PADI1: variants seen among roughly 807,000 people sequenced by gnomAD.
PADI1 encodes peptidyl arginine deiminase 1, also known as protein-arginine deiminase type-1.
Under a neutral mutation model 74.8 loss-of-function variants are expected in PADI1, and 65 were observed. The observed-to-expected ratio is 0.87, with a 90% CI of 0.71 to 1.07. PADI1 has a LOEUF of 1.07. PADI1 is among the 50% of genes least tolerant of loss of function. The probability of loss-of-function intolerance (pLI) is 0.00; values close to 1 mark genes in which losing one functional copy is unlikely to be tolerated. For missense variants in PADI1, 943 were observed against 854.0 expected, an observed-to-expected ratio of 1.10 and a Z score of -1.30; for synonymous variants, 371 against 336.2, an observed-to-expected ratio of 1.10 and a Z score of -1.13.
intron 4 of PADI1, among the ~76,000 whole-genome samples, chr1:17,225,308 C>G (rs2072276534): frequency 6.6e-6 from 1 of 152,204 alleles, no homozygotes; most frequent in East Asian, 1.9e-4. Flanking sequence ...GCAGGGAGAG[C>G]TCCAGCCATG....
Position 17,244,149 on chromosome 1 carries a change from A to C in PADI1, c.1898A>C (p.Tyr633Ser). Residue 633 changes from tyrosine to serine, a missense_variant, in exon 16 of 16, where the codon TAC becomes TCC. By Grantham distance (144) the Tyr-to-Ser change is moderately radical (BLOSUM62 -2). Transcript: ENST00000375471. ...LGLHCIFIDD[Y>S]LSYHELQGEI... ...CTGCACTGCATCTTCATTGATGACT[A>C]CTTGTCCTACCACGAGCTGCAGGGG... The C allele has an allele frequency of 2.5e-6, 4 of 1,614,142 alleles. No homozygotes were observed. Among genetic ancestry groups the C allele is most frequent in the Non-Finnish European group, 3.4e-6 (4 of 1,180,016 alleles).
At chr1:17,243,458 T>C (rs1569859065) in intron 15 of PADI1, among the ~76,000 whole-genome samples, 1 of 152,254 alleles carries the variant, frequency 6.6e-6, no homozygotes, top group Non-Finnish European at 1.5e-5. Flanking sequence ...TTAACCTGTC[T>C]GAGCCACAGC....
intron 1 of PADI1, among the ~76,000 whole-genome samples, chr1:17,206,666 GTCTTTTTTTTCTTTT>G (rs2071689493): frequency 1.4e-5 from 2 of 141,526 alleles, no homozygotes; most frequent in Admixed American, 6.9e-5. Flanking sequence ...TGAAGCTGAA[GTCTTTTTTTTCTTTT>G]TCTTTTTTTT....
At chr1:17,224,494 G>A in intron 4 of PADI1, 66 bp downstream of exon 4, 3 of 1,193,708 alleles carry the variant, frequency 2.5e-6, no homozygotes, top group Non-Finnish European at 3.7e-6. Context: ...GTCCCGGGTG[G>A]ATTGTGCCCT....
At chr1:17,228,587 CT>C (rs2072389643) in intron 6 of PADI1, 37 bp from the exon 7 acceptor site, 2 of 1,610,094 alleles carry the variant, frequency 1.2e-6, no homozygotes, top group African/African-American at 2.7e-5. Flanking sequence ...CCCCTCACCC[CT>C]GTCTCCTCGC....
rs1200235693 is a variant in PADI1, at chr1:17,224,485, TC to T, written c.408+60del. The T allele has an allele frequency of 2.2e-4, 295 of 1,335,654 alleles. 7 individuals are homozygous for T. In the South Asian group the frequency reaches 3.4e-3, roughly 15 times the overall value. The allele number at this position is 1,335,654 out of a possible 1,614,324, so 82.7% of individuals were successfully genotyped here. Reference sequence around the variant, plus strand: ...GGGTTGAAAGGCAAACTTGGGGTGGTCCCGGGTGGATTGTGCCCTCCCTCCA... The same window carrying T: ...GGGTTGAAAGGCAAACTTGGGGTGGTCCGGGTGGATTGTGCCCTCCCTCCA... On this transcript the variant is annotated intron_variant, in intron 4 of 15. Coordinates refer to ENST00000375471, the MANE Select transcript of PADI1 (RefSeq NM_013358.3).
At chr1:17,232,579 G>A (rs1259249599) in intron 10 of PADI1, among the ~76,000 whole-genome samples, 5 of 152,204 alleles carry the variant, frequency 3.3e-5, no homozygotes, top group Admixed American at 2.0e-4. Context: ...GATGTATACT[G>A]CTTAATTTCC....
chr1:17,208,884 T>C (rs1304254559), intron 1 of PADI1, among the ~76,000 whole-genome samples: 1 of 152,176 alleles, frequency 6.6e-6, no homozygotes, highest in East Asian at 1.9e-4. Flanking sequence ...AGAACCTTTA[T>C]TCTTTGGGAT....
At chr1:17,225,268 G>A (rs992188759) in intron 4 of PADI1, among the ~76,000 whole-genome samples, 6 of 152,212 alleles carry the variant, frequency 3.9e-5, no homozygotes, top group African/African-American at 1.2e-4. Context: ...CTGGTGGGGA[G>A]GTGTGTTGGG....
chr1:17,208,666 C>A (rs1343158890), intron 1 of PADI1, among the ~76,000 whole-genome samples: 1 of 148,242 alleles, frequency 6.7e-6, no homozygotes, highest in Non-Finnish European at 1.5e-5. Flanking sequence ...ACCACACTGA[C>A]CCCCACACCC....
intron 15 of PADI1, among the ~76,000 whole-genome samples, chr1:17,243,164 A>T (rs761088960): frequency 6.6e-6 from 1 of 152,060 alleles, no homozygotes; most frequent in Non-Finnish European, 1.5e-5. Context: ...ACCCCTTATG[A>T]CCTCTTGCCA....
chr1:17,224,908 C>T (rs915569218), intron 4 of PADI1, among the ~76,000 whole-genome samples: 3 of 143,006 alleles, frequency 2.1e-5, no homozygotes, highest in Non-Finnish European at 3.2e-5. Flanking sequence ...TGGAAGCTGT[C>T]CTGGGAGGGG....
chr1:17,232,837 G>A lies in PADI1; in HGVS notation c.1180G>A (p.Val394Ile), dbSNP rs767514790. 3.7e-6 allele frequency: 6 copies of A among 1,613,246 alleles called. No homozygotes were observed. Among genetic ancestry groups the A allele is most frequent in the South Asian group, 3.3e-5 (3 of 90,984 alleles). ...TCCATAGGGTCCTGACTTTGGATAT[G>A]TTACCCGGGAGATCCCGCTCCCTGG... ...KRILGPDFGY[V>I]TREIPLPGPS... is the part of the protein sequence containing the mutation. The change falls in exon 11 of 16, where the codon GTT becomes ATT. Residue 394 changes from valine to isoleucine, a missense_variant. Physicochemically the swap from Val to Ile is conservative, Grantham distance 29. Coordinates refer to ENST00000375471, the MANE Select transcript of PADI1 (RefSeq NM_013358.3).
chr1:17,207,054 G>A (rs376258148), intron 1 of PADI1, among the ~76,000 whole-genome samples: 1 of 152,012 alleles, frequency 6.6e-6, no homozygotes, highest in East Asian at 1.9e-4. Flanking sequence ...GTAGGAAAAG[G>A]GTCCCTTGCA....
At position 17,231,165 on chromosome 1, in the gene PADI1, T is replaced by C. The variant is rs143768250; in HGVS notation, c.1161+486T>C. Among the ~76,000 whole-genome samples the C allele has an allele frequency of 2.0e-3, 307 of 152,312 alleles. 4 individuals carry two copies. Among genetic ancestry groups the C allele is most frequent in the African/African-American group, 7.0e-3 (292 of 41,576 alleles). ...CAACAGCAGCACCCACCGTTACTTA[T>C]TGAGTTCCAGGCACTGTCTCCTAGC... On this transcript the variant is annotated intron_variant, in intron 10 of 15. Coordinates refer to ENST00000375471, the MANE Select transcript of PADI1 (RefSeq NM_013358.3).
At chr1:17,211,485 C>A (rs1013129648) in intron 1 of PADI1, among the ~76,000 whole-genome samples, 4 of 152,190 alleles carry the variant, frequency 2.6e-5, no homozygotes, top group African/African-American at 4.8e-5. Flanking sequence ...GTGCTCACTG[C>A]ACCATCTCAG....
At chr1:17,228,194 G>T (rs2072377560) in intron 6 of PADI1, among the ~76,000 whole-genome samples, 1 of 152,120 alleles carries the variant, frequency 6.6e-6, no homozygotes, top group Non-Finnish European at 1.5e-5. Context: ...GTCTCCCTAT[G>T]TTACCCAGGC....
chr1:17,232,807 G>T lies in PADI1; in HGVS notation c.1162-12G>T. Reference sequence around the variant, plus strand: ...CCTTCTTGGGGTGGGGGTCTCGCTGGTTCTTCCATAGGGTCCTGACTTTGG... The same window carrying T: ...CCTTCTTGGGGTGGGGGTCTCGCTGTTTCTTCCATAGGGTCCTGACTTTGG... On this transcript the variant is annotated splice_polypyrimidine_tract_variant and intron_variant, in intron 10 of 15. Transcript: ENST00000375471. 1 of 1,604,440 alleles carries T rather than the reference G, an allele frequency of 6.2e-7. No individual in the cohort carries two copies. Among genetic ancestry groups the T allele is most frequent in the Non-Finnish European group, 8.5e-7 (1 of 1,173,514 alleles).
At chr1:17,241,399 C>G (rs1023511345) in intron 15 of PADI1, among the ~76,000 whole-genome samples, 1 of 152,272 alleles carries the variant, frequency 6.6e-6, no homozygotes, top group Admixed American at 6.5e-5. Context: ...GGGATAGACC[C>G]TCTTTCTTCA....
Sources: allele counts gnomAD v4.1 joint callset (sites outside exome capture counted in the v4.1 genomes callset), GRCh38; gene constraint gnomAD v4.1.1; transcripts MANE v1.5; gene names NCBI Gene and HGNC (gene_info 2026-07-23, HGNC 2026-07-21).